Variants in NAV3 observed in about 807,000 individuals in gnomAD.
NAV3 encodes neuron navigator 3.
Under a neutral mutation model 244.7 loss-of-function variants are expected in NAV3, and 87 were observed. The observed-to-expected ratio is 0.36, with a 90% CI of 0.30 to 0.42. NAV3 has a LOEUF of 0.42. NAV3 is among the 20% of genes least tolerant of loss of function. The pLI is 1.00. For missense variants in NAV3, 2,663 were observed against 2,893.3 expected (o/e 0.92, Z 1.83); for synonymous variants, 1,126 against 1,042.2 (o/e 1.08, Z -1.55).
At chr12:77,959,784 G>T (rs1484511173) in intron 3 of NAV3, among the ~76,000 whole-genome samples, 5 of 151,042 alleles carry the variant, frequency 3.3e-5, no homozygotes, top group African/African-American at 1.2e-4. Flanking sequence ...TTAATTAAAA[G>T]CTCAAAACTT....
intron 3 of NAV3, among the ~76,000 whole-genome samples, chr12:77,943,309 G>A (rs1565943510): frequency 1.3e-5 from 2 of 152,070 alleles, no homozygotes; most frequent in African/African-American, 4.8e-5. Context: ...AAAGACCACA[G>A]TCTAAGAAAT....
At chr12:77,814,146 C>G (rs556071704) in intron 2 of NAV3, among the ~76,000 whole-genome samples, 1 of 151,886 alleles carries the variant, frequency 6.6e-6, no homozygotes, top group East Asian at 1.9e-4. Flanking sequence ...GACCACTGAT[C>G]GAATATTCTG....
chr12:77,945,493 A>T (rs1431367429), intron 3 of NAV3, among the ~76,000 whole-genome samples: 22 of 152,140 alleles, frequency 1.4e-4, no homozygotes, highest in Admixed American at 1.4e-3. Flanking sequence ...ACATAAATAG[A>T]GGCAAGTTAT....
chr12:78,113,276 A>C (rs1955195595), intron 12 of NAV3, among the ~76,000 whole-genome samples: 1 of 152,180 alleles, frequency 6.6e-6, no homozygotes, highest in Non-Finnish European at 1.5e-5. Context: ...GGTGGCCTTC[A>C]TCTCACAGAT....
At chr12:77,971,400 A>G (rs1451188040) in intron 5 of NAV3, among the ~76,000 whole-genome samples, 1 of 152,070 alleles carries the variant, frequency 6.6e-6, no homozygotes, top group African/African-American at 2.4e-5. Context: ...TCTTACTTCC[A>G]TTAGTCTTAC....
intron 2 of NAV3, among the ~76,000 whole-genome samples, chr12:77,599,561 AT>A (rs1870325791): frequency 6.6e-6 from 1 of 151,776 alleles, no homozygotes; most frequent in South Asian, 2.1e-4. Flanking sequence ...ATAAAACAAA[AT>A]TTTGTAGGCT....
At chr12:78,020,268 A>C (rs1302485898) in intron 8 of NAV3, among the ~76,000 whole-genome samples, 3 of 152,196 alleles carry the variant, frequency 2.0e-5, no homozygotes, top group African/African-American at 7.2e-5. Context: ...CAGTTTGATA[A>C]AGGAAGGAAT....
chr12:77,822,810 C>T (rs971536596), intron 2 of NAV3, among the ~76,000 whole-genome samples: 1 of 151,894 alleles, frequency 6.6e-6, no homozygotes, highest in Admixed American at 6.6e-5. Flanking sequence ...AAGTTCTTAC[C>T]TGGATGAAGG....
chr12:77,833,453 G>A (rs1874066811), intron 1 of NAV3, among the ~76,000 whole-genome samples: 1 of 152,210 alleles, frequency 6.6e-6, no homozygotes, highest in Admixed American at 6.5e-5. Context: ...GACAGCAGGA[G>A]TGGCTTACGT....
chr12:78,024,976 A>G (rs531571014), intron 9 of NAV3, among the ~76,000 whole-genome samples: 5 of 109,908 alleles, frequency 4.5e-5, no homozygotes, highest in African/African-American at 1.8e-4. Context: ...CTCTGTCTCA[A>G]GAAAAAGGGG....
At chr12:77,589,045 A>G (rs1391419639) in intron 2 of NAV3, among the ~76,000 whole-genome samples, 2 of 152,142 alleles carry the variant, frequency 1.3e-5, no homozygotes, top group African/African-American at 2.4e-5. Context: ...ATCTCCATCA[A>G]AGCCAAAGCA....
At chr12:78,156,839 A>T (rs1029130464) in intron 22 of NAV3, among the ~76,000 whole-genome samples, 5 of 152,124 alleles carry the variant, frequency 3.3e-5, no homozygotes, top group Non-Finnish European at 7.4e-5. Flanking sequence ...TATATATTTT[A>T]AATTCACATA....
chr12:77,789,014 A>G (rs1408098466), intron 2 of NAV3, among the ~76,000 whole-genome samples: 1 of 152,218 alleles, frequency 6.6e-6, no homozygotes, highest in Non-Finnish European at 1.5e-5. Flanking sequence ...TCATTAACAA[A>G]GTCAGCCTAC....
chr12:78,049,934 C>T (rs1415308847), intron 9 of NAV3, 59 bp from the exon 10 acceptor site: 7 of 1,140,610 alleles, frequency 6.1e-6, no homozygotes, highest in Middle Eastern at 2.0e-4. Flanking sequence ...TCTAGGTATA[C>T]AATTATTTTG....
At chr12:77,918,251 T>G (rs1218485925) in intron 1 of NAV3, among the ~76,000 whole-genome samples, 1 of 152,086 alleles carries the variant, frequency 6.6e-6, no homozygotes, top group East Asian at 1.9e-4. Context: ...GACCCTCCAT[T>G]TGGACAAGTT....
intron 11 of NAV3, among the ~76,000 whole-genome samples, chr12:78,053,210 C>T (rs1163604259): frequency 6.0e-5 from 9 of 149,272 alleles, no homozygotes; most frequent in South Asian, 2.1e-4. Context: ...AGTGAGACTC[C>T]GTCTAAAAAT....
At chr12:77,761,526 C>T (rs1239467279) in intron 2 of NAV3, among the ~76,000 whole-genome samples, 2 of 152,102 alleles carry the variant, frequency 1.3e-5, no homozygotes, top group African/African-American at 4.8e-5. Context: ...GCAATCTATC[C>T]ATCTGACAAA....
At chr12:77,670,980 TA>T (rs1286002683) in intron 2 of NAV3, among the ~76,000 whole-genome samples, 13 of 151,966 alleles carry the variant, frequency 8.6e-5, no homozygotes, top group Admixed American at 7.9e-4. Flanking sequence ...TCCAGATAAG[TA>T]AAGAGGAAGT....
intron 2 of NAV3, among the ~76,000 whole-genome samples, chr12:77,707,867 G>A (rs1198935856): frequency 1.3e-5 from 2 of 152,214 alleles, no homozygotes; most frequent in Non-Finnish European, 2.9e-5. Flanking sequence ...CTTCTTTTGA[G>A]ACGTGTCTGT....
Sources: allele counts gnomAD v4.1 joint callset (sites outside exome capture counted in the v4.1 genomes callset), GRCh38; gene constraint gnomAD v4.1.1; transcripts MANE v1.5; gene names NCBI Gene and HGNC (gene_info 2026-07-23, HGNC 2026-07-21).